Variants in ZC3H12C observed in about 807,000 individuals in gnomAD.
ZC3H12C encodes the protein zinc finger CCCH-type containing 12C, also known as probable ribonuclease ZC3H12C.
In ZC3H12C, 20 loss-of-function variants were observed where a neutral mutation model predicts 76.3. The observed-to-expected ratio is 0.26, with a 90% CI of 0.18 to 0.38. The LOEUF (loss-of-function observed/expected upper bound fraction) is 0.38. Among genes scored for constraint, ZC3H12C ranks in the 10% least tolerant of loss-of-function variants. ZC3H12C has a pLI of 1.00. For synonymous variants in ZC3H12C, 352 were observed against 399.6 expected, an observed-to-expected ratio of 0.88 and a Z score of 1.42; for missense variants, 874 against 1,086.5, an observed-to-expected ratio of 0.80 and a Z score of 2.75.
At chr11:110,147,989 A>G (rs563046416) in intron 2 of ZC3H12C, among the ~76,000 whole-genome samples, 1 of 152,352 alleles carries the variant, frequency 6.6e-6, no homozygotes, top group Admixed American at 6.5e-5. Context: ...CCAGAAGGTC[A>G]TTGCCCCACT....
At chr11:110,141,063 A>T (rs1427252181) in intron 2 of ZC3H12C, among the ~76,000 whole-genome samples, 1 of 152,226 alleles carries the variant, frequency 6.6e-6, no homozygotes, top group Non-Finnish European at 1.5e-5. Context: ...GAATAGAGAA[A>T]TAAAGTAACC....
chr11:110,153,730 T>A (rs924278535), intron 3 of ZC3H12C, among the ~76,000 whole-genome samples: 1 of 152,228 alleles, frequency 6.6e-6, no homozygotes, highest in Non-Finnish European at 1.5e-5. Context: ...TCTCATGTGC[T>A]ATTGTGACAT....
intron 1 of ZC3H12C, among the ~76,000 whole-genome samples, chr11:110,134,442 G>T: frequency 6.6e-6 from 1 of 152,174 alleles, no homozygotes; most frequent in South Asian, 2.1e-4. Flanking sequence ...TGGTGGGAGC[G>T]CCATGAAGGC....
At chr11:110,124,253 G>A (rs1163852912) in intron 1 of ZC3H12C, 1 of 152,174 alleles carries the variant, frequency 6.6e-6, no homozygotes, top group Non-Finnish European at 1.5e-5. Context: ...AATGGCCGAG[G>A]GCTCTGATAA....
chr11:110,097,793 G>A (rs904935258), intron 1 of ZC3H12C, among the ~76,000 whole-genome samples: 2 of 152,180 alleles, frequency 1.3e-5, no homozygotes, highest in Non-Finnish European at 2.9e-5. Context: ...TGACAGTGGT[G>A]CATAAGATTA....
intron 1 of ZC3H12C, among the ~76,000 whole-genome samples, chr11:110,098,255 T>A (rs553272167): frequency 1.3e-5 from 2 of 152,130 alleles, no homozygotes; most frequent in Admixed American, 6.5e-5. Context: ...AAGTAAAAAA[T>A]TTTCTAGATA....
intron 3 of ZC3H12C, among the ~76,000 whole-genome samples, chr11:110,155,008 C>A (rs1217323008): frequency 2.0e-5 from 3 of 152,090 alleles, no homozygotes; most frequent in Non-Finnish European, 2.9e-5. Flanking sequence ...GCAGAGATGG[C>A]CAGATGCAGT....
intron 1 of ZC3H12C, among the ~76,000 whole-genome samples, chr11:110,128,233 TAGG>T (rs1400216710): frequency 6.6e-6 from 1 of 152,048 alleles, no homozygotes; most frequent in African/African-American, 2.4e-5. Context: ...GGAAGTGGAC[TAGG>T]GCCATGTGAC....
At chr11:110,144,669 T>C (rs1338713761) in intron 2 of ZC3H12C, among the ~76,000 whole-genome samples, 1 of 152,208 alleles carries the variant, frequency 6.6e-6, no homozygotes, top group Admixed American at 6.5e-5. Flanking sequence ...AAAGATCACC[T>C]GTAATTTCCA....
chr11:110,138,468 CTAATG>C (rs200814001), intron 2 of ZC3H12C, among the ~76,000 whole-genome samples: 2,666 of 151,812 alleles, frequency 0.018, 80 homozygotes, highest in African/African-American at 0.06. Flanking sequence ...ATTAATGTGA[CTAATG>C]TATTTTGTTT....
chr11:110,140,998 T>G (rs1862058158), intron 2 of ZC3H12C, among the ~76,000 whole-genome samples: 1 of 152,146 alleles, frequency 6.6e-6, no homozygotes, highest in African/African-American at 2.4e-5. Context: ...GGACAACTCC[T>G]GGAAAAAGAT....
chr11:110,151,003 G>T (rs1360714724), intron 2 of ZC3H12C, among the ~76,000 whole-genome samples: 1 of 152,096 alleles, frequency 6.6e-6, no homozygotes, highest in South Asian at 2.1e-4. Flanking sequence ...ACACATGGAG[G>T]ATTATATTTT....
chr11:110,163,529 G>GA, intron 5 of ZC3H12C, 150 bp downstream of exon 5: 1 of 573,876 alleles, frequency 1.7e-6, no homozygotes. Context: ...TCTTAGCCAT[G>GA]AAAAAGAATT....
In ZC3H12C at chr11:110,159,164, C is replaced by T. The variant is rs140552837; in HGVS notation, c.914-92C>T. Reference sequence around the variant, plus strand: ...TAATTAAAGGATTTCATATATACAGCTTATGTTTTAGAGTTTCACATTGTA... The same window carrying T: ...TAATTAAAGGATTTCATATATACAGTTTATGTTTTAGAGTTTCACATTGTA... On this transcript the variant is annotated intron_variant, in intron 3 of 5. Transcript: ENST00000278590. The T allele has an allele frequency of 1.6e-5, 15 of 945,614 alleles. No individual in the cohort carries two copies. The East Asian group carries it at 3.4e-4, about 22-fold the overall frequency. The allele number at this position is 945,614 out of a possible 1,614,324, so 58.6% of individuals were successfully genotyped here.
chr11:110,146,835 C>T (rs964623888), intron 2 of ZC3H12C, among the ~76,000 whole-genome samples: 9 of 152,146 alleles, frequency 5.9e-5, no homozygotes, highest in South Asian at 2.1e-4. Context: ...CTTTTACCTA[C>T]GCCTGAATTC....
At chr11:110,096,702 G>A (rs1254506499) in intron 1 of ZC3H12C, among the ~76,000 whole-genome samples, 1 of 152,176 alleles carries the variant, frequency 6.6e-6, no homozygotes, top group Non-Finnish European at 1.5e-5. Context: ...TTGTTTTGTT[G>A]ACATACACCA....
intron 1 of ZC3H12C, among the ~76,000 whole-genome samples, chr11:110,110,366 G>A (rs1268510168): frequency 6.6e-6 from 1 of 152,064 alleles, no homozygotes; most frequent in Non-Finnish European, 1.5e-5. Context: ...ATTTCTTGGG[G>A]ATTGGAAGTT....
chr11:110,113,209 G>T (rs991272993), intron 1 of ZC3H12C, among the ~76,000 whole-genome samples: 1 of 152,128 alleles, frequency 6.6e-6, no homozygotes, highest in Non-Finnish European at 1.5e-5. Flanking sequence ...TTTGGAGATT[G>T]TATGATGTTG....
chr11:110,129,820 ATT>A (rs36100559), intron 1 of ZC3H12C, among the ~76,000 whole-genome samples: 100,381 of 150,794 alleles, frequency 0.67, 33,575 homozygotes, highest in East Asian at 0.82. Flanking sequence ...ATTTTGATTG[ATT>A]TTTTTTTTTG....
Sources: allele counts gnomAD v4.1 joint callset (sites outside exome capture counted in the v4.1 genomes callset), GRCh38; gene constraint gnomAD v4.1.1; transcripts MANE v1.5; gene names NCBI Gene and HGNC (gene_info 2026-07-23, HGNC 2026-07-21).